NRG3: variants seen among roughly 807,000 people sequenced by gnomAD.
The protein encoded by NRG3 is neuregulin 3, also known as pro-neuregulin-3, membrane-bound isoform.
Under a neutral mutation model 66.9 loss-of-function variants are expected in NRG3, and 31 were observed. The ratio of observed to expected loss-of-function variants is 0.46; its 90% CI spans 0.35 to 0.63. The LOEUF (loss-of-function observed/expected upper bound fraction) is 0.63. NRG3 is among the 20% of genes least tolerant of loss of function. The pLI is 0.00. For synonymous variants in NRG3, 393 were observed against 359.4 expected (o/e 1.09, Z -1.06); for missense variants, 910 against 878.9 (o/e 1.04, Z -0.45).
At chr10:82,733,092 T>C (rs995256051) in intron 2 of NRG3, among the ~76,000 whole-genome samples, 10 of 152,234 alleles carry the variant, frequency 6.6e-5, no homozygotes, top group Admixed American at 5.9e-4. Context: ...ATTTCCCTTG[T>C]GAAGCTAATT....
chr10:82,815,658 C>A (rs1016749593), intron 3 of NRG3, among the ~76,000 whole-genome samples: 1 of 152,064 alleles, frequency 6.6e-6, no homozygotes, highest in South Asian at 2.1e-4. Flanking sequence ...GGTGTCACTT[C>A]ACCTGGAGGT....
chr10:82,810,740 A>G (rs1279097917), intron 3 of NRG3, among the ~76,000 whole-genome samples: 2 of 149,434 alleles, frequency 1.3e-5, no homozygotes, highest in East Asian at 3.9e-4. Context: ...TCCAGCCTAA[A>G]AAAAAAAAAA....
chr10:82,542,557 G>A, intron 2 of NRG3, among the ~76,000 whole-genome samples: 1 of 152,136 alleles, frequency 6.6e-6, no homozygotes, highest in East Asian at 1.9e-4. Context: ...AAATAATAAA[G>A]AAGTGACTAA....
At chr10:82,503,189 A>G (rs560567755) in intron 2 of NRG3, among the ~76,000 whole-genome samples, 3 of 152,318 alleles carry the variant, frequency 2.0e-5, no homozygotes, top group East Asian at 1.9e-4. Flanking sequence ...CGAAGGGAAG[A>G]TTGAAATTTA....
chr10:82,416,847 ATAT>A (rs1254478876), intron 2 of NRG3, among the ~76,000 whole-genome samples: 1 of 152,090 alleles, frequency 6.6e-6, no homozygotes, highest in Non-Finnish European at 1.5e-5. Flanking sequence ...GGGCTGTGTA[ATAT>A]TATGCACATC....
rs1046340205 is a variant in NRG3, at chr10:82,150,430, C to G, written c.824-208309C>G. ...TCCCCCCGCCAACTCCGCCCAATCC[C>G]CACCTCCAGTCTTGACTACTTTTCA... is the stretch of plus-strand genomic sequence containing the variant. On this transcript the variant is annotated intron_variant, in intron 1 of 8. Transcript: ENST00000372141. Among the ~76,000 whole-genome samples, 6 of 151,532 alleles carry G rather than the reference C, an allele frequency of 4.0e-5. No individual in the cohort carries two copies. In the East Asian group the frequency reaches 9.7e-4, roughly 25 times the overall value.
intron 1 of NRG3, among the ~76,000 whole-genome samples, chr10:82,317,401 C>T (rs2081351511): frequency 6.6e-6 from 1 of 152,022 alleles, no homozygotes; most frequent in Admixed American, 6.5e-5. Flanking sequence ...ACTGGAATGA[C>T]ATATTTGGTG....
chr10:82,432,525 G>A (rs2089889814), intron 2 of NRG3, among the ~76,000 whole-genome samples: 1 of 144,508 alleles, frequency 6.9e-6, no homozygotes, highest in African/African-American at 2.6e-5. Context: ...CAGGATACAT[G>A]TGCAGATCGT....
rs192995554 is a variant in NRG3, at chr10:82,735,982, A to G, written c.954-2595A>G. On this transcript the variant is annotated intron_variant, in intron 2 of 8. Transcript: ENST00000372141. ...AGGCAAGATTTGTGTTTTTTAAAAC[A>G]TATATTCCCCATTAAAGACTACACA... 3.3e-5 allele frequency among the ~76,000 whole-genome samples: 5 copies of G among 152,322 alleles called. No individual in the cohort carries two copies. In the East Asian group the frequency reaches 9.6e-4, roughly 29 times the overall value.
chr10:82,392,420 T>A (rs1589963298), intron 2 of NRG3, among the ~76,000 whole-genome samples: 1 of 152,174 alleles, frequency 6.6e-6, no homozygotes, highest in African/African-American at 2.4e-5. Context: ...ATGTAGGAAG[T>A]TGACTTTGTG....
At position 81,875,939 on chromosome 10, in the gene NRG3, T is replaced by G; in HGVS notation, c.599T>G (p.Phe200Cys). The change falls in exon 1 of 9, where the codon TTC becomes TGC. Residue 200 changes from phenylalanine (F) to cysteine (C), a missense_variant. Coordinates refer to ENST00000372141, the MANE Select transcript of NRG3 (RefSeq NM_001010848.4). This position sits in a 1 kb window ranked among gnomAD's most constrained non-coding sequence, Gnocchi z 5.3. ...PATVPSTTAP[F>C]FSSSTLGSRP... ...ACGGTCCCGTCCACCACGGCCCCGTTCTTCAGTAGCAGCACGCTGGGCTCC... is the reference window on the plus strand; with the variant it reads ...ACGGTCCCGTCCACCACGGCCCCGTGCTTCAGTAGCAGCACGCTGGGCTCC... 6.2e-7 allele frequency: 1 copy of G among 1,613,772 alleles called. No individual in the cohort carries two copies.
At chr10:82,162,146 AT>A (rs1041949049) in intron 1 of NRG3, among the ~76,000 whole-genome samples, 2 of 152,172 alleles carry the variant, frequency 1.3e-5, no homozygotes, top group African/African-American at 4.8e-5. Flanking sequence ...ATCAATTCTC[AT>A]TCTTCAAAAC....
chr10:82,643,886 G>GCACA (rs755544634), intron 2 of NRG3, among the ~76,000 whole-genome samples: 11 of 48,418 alleles, frequency 2.3e-4, no homozygotes, highest in Middle Eastern at 0.013. Flanking sequence ...ACACACACGC[G>GCACA]CACACACACA....
At chr10:82,663,479 A>G (rs941266503) in intron 2 of NRG3, among the ~76,000 whole-genome samples, 1 of 152,188 alleles carries the variant, frequency 6.6e-6, no homozygotes, top group Non-Finnish European at 1.5e-5. Flanking sequence ...ATAGCCTCAT[A>G]AGCACATATC....
chr10:82,273,470 A>AT lies in NRG3; in HGVS notation c.824-85263dup, dbSNP rs547022184. ...TTATATGATTCAAGATTTTGAAAAC[A>AT]TTTTTTAAAATTTAAAATGGATATG... On this transcript the variant is annotated intron_variant, in intron 1 of 8. Transcript: ENST00000372141. 1.4e-4 allele frequency among the ~76,000 whole-genome samples: 21 copies of AT among 152,190 alleles called. No homozygotes were observed. In the South Asian group the frequency reaches 3.5e-3, roughly 26 times the overall value.
chr10:82,236,305 T>A (rs1199954666), intron 1 of NRG3, among the ~76,000 whole-genome samples: 1 of 152,178 alleles, frequency 6.6e-6, no homozygotes, highest in African/African-American at 2.4e-5. Context: ...CTGTAAGTGG[T>A]CAGTAGAGGT....
At chr10:82,048,974 A>G (rs1204676254) in intron 1 of NRG3, among the ~76,000 whole-genome samples, 2 of 152,134 alleles carry the variant, frequency 1.3e-5, no homozygotes, top group South Asian at 2.1e-4. Context: ...ACAAACAACT[A>G]CACAAATAAA....
At chr10:82,182,646 C>A (rs1430147950) in intron 1 of NRG3, among the ~76,000 whole-genome samples, 2 of 151,674 alleles carry the variant, frequency 1.3e-5, no homozygotes, top group African/African-American at 4.8e-5. Context: ...ACTTCTAAAC[C>A]AGAATTAAAA....
intron 1 of NRG3, among the ~76,000 whole-genome samples, chr10:81,903,518 C>T (rs1308174434): frequency 2.0e-5 from 3 of 152,204 alleles, no homozygotes; most frequent in African/African-American, 4.8e-5. Flanking sequence ...GACATCATAT[C>T]CAGCCAAATT....
Sources: allele counts gnomAD v4.1 joint callset (sites outside exome capture counted in the v4.1 genomes callset), GRCh38; gene constraint gnomAD v4.1.1; non-coding constraint Gnocchi (gnomAD v3.1); transcripts MANE v1.5; gene names NCBI Gene and HGNC (gene_info 2026-07-23, HGNC 2026-07-21).